The following HMGB1 variants were observed in gnomAD, a reference collection of about 807,000 sequenced individuals.
HMGB1 encodes high mobility group protein B1.
For synonymous variants in HMGB1, 81 were observed against 84.0 expected, an observed-to-expected ratio of 0.96 and a Z score of 0.19; for missense variants, 79 against 253.5, an observed-to-expected ratio of 0.31 and a Z score of 4.67.
chr13:30,553,789 C>T, intron 1 of HMGB1: 2 of 1,400,726 alleles, frequency 1.4e-6, no homozygotes, highest in Non-Finnish European at 2.0e-6. Context: ...GCCAAGTTTC[C>T]AGAAAACAGA....
At chr13:30,498,139 G>A (rs749801756) in intron 1 of HMGB1, among the ~76,000 whole-genome samples, 9 of 152,122 alleles carry the variant, frequency 5.9e-5, no homozygotes, top group African/African-American at 1.9e-4. Flanking sequence ...TGACTTTCTA[G>A]TGATGGCCAT....
chr13:30,616,313 A>G lies in HMGB1; in HGVS notation c.-15+358T>C, dbSNP rs1950561721. Among the ~76,000 whole-genome samples the G allele has an allele frequency of 2.6e-5, 4 of 152,250 alleles. 1 individual carries two copies. The South Asian group carries it at 8.3e-4, about 31-fold the overall frequency. Reference sequence around the variant, plus strand: ...CTGAAAAAATACCAAATTTACACTGAAAGACTAAAATTCAACTTTGCAGAC... The same window carrying G: ...CTGAAAAAATACCAAATTTACACTGGAAGACTAAAATTCAACTTTGCAGAC... On this transcript the variant is annotated intron_variant, in intron 1 of 4. Coordinates refer to the HMGB1 transcript ENST00000405805.
chr13:30,484,430 G>A (rs1167884991), intron 1 of HMGB1, among the ~76,000 whole-genome samples: 1 of 152,218 alleles, frequency 6.6e-6, no homozygotes, highest in East Asian at 1.9e-4. Flanking sequence ...CTAAAACTGA[G>A]TGAAGCAGGA....
intron 1 of HMGB1, among the ~76,000 whole-genome samples, chr13:30,575,777 A>C (rs1265095603): frequency 6.6e-6 from 1 of 152,220 alleles, no homozygotes; most frequent in Non-Finnish European, 1.5e-5. Context: ...GCTTAGGTGC[A>C]TGGTGACACC....
chr13:30,520,181 G>A lies in HMGB1; in HGVS notation c.-14-56487C>T, dbSNP rs962837415. On this transcript the variant is annotated intron_variant, in intron 1 of 4. Transcript: ENST00000405805. ...TACTAAAAATACAAAAACTAGCTGG[G>A]CATCGTGGCACATGCCTGTAATCCC... is the stretch of plus-strand genomic sequence containing the variant. 2.6e-5 allele frequency among the ~76,000 whole-genome samples: 4 copies of A among 152,042 alleles called. No homozygotes were observed. In the East Asian group the frequency reaches 7.7e-4, roughly 29 times the overall value.
chr13:30,581,031 A>C (rs1277082691), intron 1 of HMGB1, among the ~76,000 whole-genome samples: 2 of 152,134 alleles, frequency 1.3e-5, no homozygotes, highest in Non-Finnish European at 2.9e-5. Flanking sequence ...TCCTGGGCTC[A>C]AGGAATCCTC....
chr13:30,545,577 G>C lies in HMGB1; in HGVS notation c.-15+71094C>G, dbSNP rs1452166945. Among the ~76,000 whole-genome samples the C allele has an allele frequency of 2.6e-5, 4 of 152,226 alleles. No individual in the cohort carries two copies. In the South Asian group the frequency reaches 6.2e-4, roughly 24 times the overall value. On this transcript the variant is annotated intron_variant, in intron 1 of 4. Transcript: ENST00000405805. ...ATTCTCAGCAGTGCCCAGTATTCCT[G>C]AGTCTAGAGCTTCGCTGTCCAATAT...
chr13:30,538,813 C>T (rs575761499), intron 1 of HMGB1, among the ~76,000 whole-genome samples: 1 of 64,336 alleles, frequency 1.6e-5, no homozygotes, highest in East Asian at 3.9e-4. Context: ...CTCTCTCTCT[C>T]CCCCTTTCTT....
chr13:30,607,804 A>G (rs1241955102), intron 1 of HMGB1, among the ~76,000 whole-genome samples: 1 of 152,246 alleles, frequency 6.6e-6, no homozygotes, highest in Non-Finnish European at 1.5e-5. Context: ...CTAGCTAGCA[A>G]ATTTTATAAT....
intron 1 of HMGB1, among the ~76,000 whole-genome samples, chr13:30,529,028 C>CAAAAAAAAAAAAA (rs59654057): frequency 1.9e-5 from 1 of 53,518 alleles, no homozygotes; most frequent in African/African-American, 7.0e-5. Context: ...GACTGCGTCT[C>CAAAAAAAAAAAAA]AAAAAAAAAA....
chr13:30,501,081 C>A (rs1887724635), intron 1 of HMGB1, among the ~76,000 whole-genome samples: 1 of 152,090 alleles, frequency 6.6e-6, no homozygotes, highest in Admixed American at 6.6e-5. Context: ...CTTGGCCTCC[C>A]AAAATGTGAG....
At chr13:30,503,106 G>A (rs1418476603) in intron 1 of HMGB1, among the ~76,000 whole-genome samples, 1 of 152,066 alleles carries the variant, frequency 6.6e-6, no homozygotes, top group East Asian at 1.9e-4. Flanking sequence ...GGGAGGCCGA[G>A]GCGAGGGATC....
intron 1 of HMGB1, among the ~76,000 whole-genome samples, chr13:30,480,755 G>A (rs1487122054): frequency 6.6e-6 from 1 of 151,754 alleles, no homozygotes; most frequent in Non-Finnish European, 1.5e-5. Flanking sequence ...TCCTTTTTCT[G>A]TCTCCTCCCC....
chr13:30,612,137 TA>T (rs1408330497), intron 1 of HMGB1, among the ~76,000 whole-genome samples: 1 of 151,582 alleles, frequency 6.6e-6, no homozygotes, highest in African/African-American at 2.4e-5. Flanking sequence ...GGGCCAAAAA[TA>T]TATGTGTATG....
intron 1 of HMGB1, among the ~76,000 whole-genome samples, chr13:30,584,179 G>A (rs1033544045): frequency 3.3e-5 from 5 of 152,120 alleles, no homozygotes; most frequent in Non-Finnish European, 5.9e-5. Context: ...ATAATCTCAT[G>A]CCAACTAAGT....
chr13:30,463,147 ATT>A (rs1163849519), intron 3 of HMGB1, 58 bp downstream of exon 3: 1 of 1,525,662 alleles, frequency 6.6e-7, no homozygotes, highest in Non-Finnish European at 8.9e-7. Flanking sequence ...AGCTTGCTAA[ATT>A]TCTCTCAGAT....
At chr13:30,557,622 C>G (rs1869744491) in intron 1 of HMGB1, among the ~76,000 whole-genome samples, 1 of 152,244 alleles carries the variant, frequency 6.6e-6, no homozygotes, top group Admixed American at 6.5e-5. Context: ...ATTCCCTTAA[C>G]TCTCTATCCT....
chr13:30,482,514 T>A (rs1887254783), intron 1 of HMGB1, among the ~76,000 whole-genome samples: 2 of 152,126 alleles, frequency 1.3e-5, no homozygotes, highest in South Asian at 4.1e-4. Flanking sequence ...GCCTTTGGGG[T>A]GGGTGTTATT....
chr13:30,563,620 A>G (rs896814793), intron 1 of HMGB1, among the ~76,000 whole-genome samples: 3 of 152,212 alleles, frequency 2.0e-5, no homozygotes, highest in East Asian at 1.9e-4. Flanking sequence ...TCTCAAAAAA[A>G]TACATCAAAT....
Sources: allele counts gnomAD v4.1 joint callset (sites outside exome capture counted in the v4.1 genomes callset), GRCh38; gene constraint gnomAD v4.1.1; transcripts MANE v1.5; gene names NCBI Gene and HGNC (gene_info 2026-07-23, HGNC 2026-07-21).